DMTN: variants seen among roughly 807,000 people sequenced by gnomAD.
DMTN encodes the protein dematin.
A neutral mutation model predicts 59.4 loss-of-function variants in DMTN; 27 were observed. The observed-to-expected ratio is 0.45, with a 90% confidence interval of 0.33 to 0.63. The LOEUF is 0.63. Ranked by LOEUF, DMTN falls within the 20% of genes least tolerant of loss-of-function variation. The pLI is 0.02. For missense variants in DMTN, 451 were observed against 528.9 expected, an observed-to-expected ratio of 0.85 and a Z score of 1.45; for synonymous variants, 221 against 203.7, an observed-to-expected ratio of 1.08 and a Z score of -0.72.
intron 10 of DMTN, among the ~76,000 whole-genome samples, chr8:22,077,028 A>G (rs1264540965): frequency 1.4e-5 from 2 of 144,428 alleles, no homozygotes; most frequent in Non-Finnish European, 3.0e-5. Context: ...GCTCATCTAC[A>G]TTGTGTGGGC....
chr8:22,077,046 C>G lies in DMTN; in HGVS notation c.836-3134C>G, dbSNP rs533248536. Among the ~76,000 whole-genome samples the G allele has an allele frequency of 4.9e-5, 3 of 61,056 alleles. No homozygotes were observed. The South Asian group carries it at 1.9e-3, about 39-fold the overall frequency. The allele number at this position is 61,056 out of a possible 152,430, so 40.1% of individuals were successfully genotyped here. On this transcript the variant is annotated intron_variant, in intron 10 of 15. Coordinates refer to ENST00000358242, the MANE Select transcript of DMTN (RefSeq NM_001387751.1). ...CATCTACATTGTGTGGGCTGTATGTCCACAGCTGGGGGCAGGATGGGAGCT... is the reference window on the plus strand; with the variant it reads ...CATCTACATTGTGTGGGCTGTATGTGCACAGCTGGGGGCAGGATGGGAGCT...
intron 7 of DMTN, 48 bp from the exon 8 acceptor site, chr8:22,070,134 T>C: frequency 6.4e-7 from 1 of 1,556,842 alleles, no homozygotes; most frequent in Non-Finnish European, 8.7e-7. Context: ...GGTAGCCAAG[T>C]TGGCCTCGGG....
chr8:22,075,314 C>T (rs1818901114), intron 10 of DMTN, among the ~76,000 whole-genome samples: 1 of 151,782 alleles, frequency 6.6e-6, no homozygotes, highest in African/African-American at 2.4e-5. Flanking sequence ...TCCTCCCCCT[C>T]CCCCTTCTTC....
chr8:22,067,544 G>A lies in DMTN; in HGVS notation c.111G>A (p.Gln37=), dbSNP rs1811784188. The part of the protein sequence containing the change: ...PSSIVAKMDN[Q]VLGYKDLAAI... ...CCCTTCAGGCCAAGATGGACAATCA[G>A]GTGCTGGGCTACAAGGACCTGGCTG... Residue 37 remains glutamine (Q), a synonymous_variant, in exon 4 of 16, where the codon CAG becomes CAA. Transcript: ENST00000358242. 6.2e-7 allele frequency: 1 copy of A among 1,614,112 alleles called. No homozygotes were observed. Among genetic ancestry groups the A allele is most frequent in the South Asian group, 1.1e-5 (1 of 91,092 alleles).
upstream of DMTN, among the ~76,000 whole-genome samples, chr8:22,050,452 C>G (rs767011730): frequency 6.6e-6 from 1 of 152,142 alleles, no homozygotes; most frequent in African/African-American, 2.4e-5. Context: ...CTCCCTCGCT[C>G]GGGTTAGAGA....
In DMTN at chr8:22,067,274, C is replaced by T. The variant is rs1811518234; in HGVS notation, c.93+115C>T. ...CTCCCCAGTGGTGGTCCCTCCGGTG[C>T]TGGCGGGCAGAGAGAACCCAGAAAC... is the stretch of plus-strand genomic sequence containing the variant. On this transcript the variant is annotated intron_variant, in intron 3 of 15. Transcript: ENST00000358242. The T allele has an allele frequency of 2.4e-6, 3 of 1,253,886 alleles. No individual in the cohort carries two copies. In the South Asian group the frequency reaches 4.2e-5, roughly 17 times the overall value. 77.7% of individuals were successfully genotyped at this position (1,253,886 alleles called of 1,614,324 possible). A position where few individuals can be genotyped will look rare whatever the true frequency, so the allele number is the denominator to read the frequency against.
upstream of DMTN, among the ~76,000 whole-genome samples, chr8:22,049,619 T>C (rs1585551961): frequency 1.7e-5 from 2 of 114,588 alleles, no homozygotes; most frequent in Admixed American, 2.2e-4. Flanking sequence ...GGGAACACCC[T>C]CAGTGAGCGC....
intron 5 of DMTN, 150 bp downstream of exon 5, chr8:22,069,210 T>A (rs1475445595): frequency 9.8e-7 from 1 of 1,016,334 alleles, no homozygotes; most frequent in African/African-American, 1.6e-5. Context: ...TCTGTGTCCA[T>A]CATTCTGTCG....
rs571082795 is a variant in DMTN, at chr8:22,080,822, G to T, written c.975G>T (p.Arg325Ser). 1.9e-5 allele frequency: 31 copies of T among 1,602,136 alleles called. 1 individual carries two copies. The highest frequency in any genetic ancestry group is 1.7e-4 in the Admixed American group (10 of 59,660). ...SPGLQNGEGQ[R>S]GRMDRGNSLP... ...CTCCCCAGAACGGAGAGGGCCAGAG[G>T]GGGAGGATGGACCGGGGGAACTCCC... Residue 325 changes from arginine (R) to serine (S), a missense_variant, in exon 14 of 16, where the codon AGG becomes AGT. By Grantham distance (110) the Arg-to-Ser change is moderately radical. Coordinates refer to ENST00000358242, the MANE Select transcript of DMTN (RefSeq NM_001387751.1).
chr8:22,063,038 C>T (rs1418826369), intron 1 of DMTN, among the ~76,000 whole-genome samples: 3 of 152,112 alleles, frequency 2.0e-5, no homozygotes, highest in Non-Finnish European at 4.4e-5. Flanking sequence ...GAACTACCAC[C>T]TCTAGGCAAA....
At chr8:22,066,999 C>A (rs1259175756) in intron 2 of DMTN, 86 bp from the exon 3 acceptor site, 23 of 1,303,634 alleles carry the variant, frequency 1.8e-5, no homozygotes, top group Non-Finnish European at 2.2e-5. Flanking sequence ...CGCGCAGCGC[C>A]CCGGGTCCCC....
intron 1 of DMTN, among the ~76,000 whole-genome samples, chr8:22,062,414 G>A (rs960191658): frequency 6.6e-6 from 1 of 152,094 alleles, no homozygotes; most frequent in Non-Finnish European, 1.5e-5. Flanking sequence ...TTTCCGGGGA[G>A]CCTTTCTTCC....
At chr8:22,062,464 C>A (rs1807290482) in intron 1 of DMTN, among the ~76,000 whole-genome samples, 1 of 152,148 alleles carries the variant, frequency 6.6e-6, no homozygotes, top group South Asian at 2.1e-4. Flanking sequence ...TTGATCCCTT[C>A]CCTCCTGCTG....
chr8:22,075,644 G>A (rs1350312962), intron 10 of DMTN, among the ~76,000 whole-genome samples: 1 of 149,728 alleles, frequency 6.7e-6, no homozygotes, highest in Non-Finnish European at 1.5e-5. Flanking sequence ...TCAGCCTCCC[G>A]AGTACCTGGG....
intron 10 of DMTN, among the ~76,000 whole-genome samples, chr8:22,074,716 C>T (rs1259198777): frequency 6.6e-6 from 1 of 152,160 alleles, no homozygotes; most frequent in East Asian, 1.9e-4. Context: ...TCTGGAATTA[C>T]AGAGTACAGG....
Position 22,060,720 on chromosome 8 carries a change from C to T in DMTN, c.-172+3584C>T, listed in dbSNP as rs1028433785. 2.0e-5 allele frequency among the ~76,000 whole-genome samples: 3 copies of T among 152,224 alleles called. No homozygotes were observed. The highest frequency in any genetic ancestry group is 2.9e-5 in the Non-Finnish European group (2 of 68,040). On this transcript the variant is annotated intron_variant, in intron 1 of 15. Transcript: ENST00000358242. The surrounding 1 kb of genome is among the most constrained non-coding windows in gnomAD (Gnocchi z 5.0). ...GACCCAGATGCTAAAGCGCAAGACC[C>T]AGCAGTGGGGTTGTGGGCAGGAAGG... is the stretch of plus-strand genomic sequence containing the variant.
rs1223338032 is a variant in DMTN, at chr8:22,060,749, TG to T, written c.-172+3615del. 6.6e-6 allele frequency among the ~76,000 whole-genome samples: 1 copy of T among 152,232 alleles called. No individual in the cohort carries two copies. Among genetic ancestry groups the T allele is most frequent in the East Asian group, 1.9e-4 (1 of 5,202 alleles). On this transcript the variant is annotated intron_variant, in intron 1 of 15. Transcript: ENST00000358242. The surrounding 1 kb of genome is among the most constrained non-coding windows in gnomAD (Gnocchi z 5.0). ...AGTGGGGTTGTGGGCAGGAAGGGAC[TG>T]GAGACAGAGCAGAGGTGAGAGGCCA...
At chr8:22,054,860 C>A (rs889374172), upstream of DMTN, 1 of 152,700 alleles carries the variant, frequency 6.5e-6, no homozygotes, top group African/African-American at 2.4e-5. Flanking sequence ...CCTCCTCCCC[C>A]CCTCCCTGCT....
At chr8:22,075,516 ATTT>A (rs386412281) in intron 10 of DMTN, among the ~76,000 whole-genome samples, 1 of 87,728 alleles carries the variant, frequency 1.1e-5, no homozygotes. Flanking sequence ...GCCCAGCTAA[ATTT>A]TTTTTTTTTT....
Sources: allele counts gnomAD v4.1 joint callset (sites outside exome capture counted in the v4.1 genomes callset), GRCh38; gene constraint gnomAD v4.1.1; non-coding constraint Gnocchi (gnomAD v3.1); transcripts MANE v1.5; gene names NCBI Gene and HGNC (gene_info 2026-07-23, HGNC 2026-07-21).